TNS1: variants seen among roughly 807,000 people sequenced by gnomAD.
TNS1 encodes the protein tensin-1.
A neutral mutation model predicts 168.6 loss-of-function variants in TNS1; 62 were observed. The ratio of observed to expected loss-of-function variants is 0.37; its 90% CI spans 0.30 to 0.45. TNS1 has a LOEUF of 0.45. Among genes scored for constraint, TNS1 ranks in the 20% least tolerant of loss-of-function variants. The pLI is 1.00. For synonymous variants in TNS1, 934 were observed against 933.2 expected, an observed-to-expected ratio of 1.00 and a Z score of -0.02; for missense variants, 2,240 against 2,339.4, an observed-to-expected ratio of 0.96 and a Z score of 0.88.
At chr2:217,830,306 G>A in intron 22 of TNS1, 1 of 1,607,556 alleles carries the variant, frequency 6.2e-7, no homozygotes, top group Non-Finnish European at 8.5e-7. Flanking sequence ...CACTCTGAGT[G>A]GGAGGCTATG....
At chr2:217,879,897 G>C (rs975580047) in intron 18 of TNS1, among the ~76,000 whole-genome samples, 3 of 152,216 alleles carry the variant, frequency 2.0e-5, no homozygotes, top group African/African-American at 7.2e-5. Context: ...GGCTTCAGCT[G>C]GGAGGAGAAG....
At chr2:218,023,778 C>T (rs1237931986) in intron 1 of TNS1, among the ~76,000 whole-genome samples, 2 of 152,188 alleles carry the variant, frequency 1.3e-5, no homozygotes, top group Non-Finnish European at 2.9e-5. Context: ...CAGGTCCATG[C>T]TTTTCCCCCA....
chr2:217,849,607 A>T (rs10170040), intron 18 of TNS1: 415,022 of 974,506 alleles, frequency 0.43, 88,732 homozygotes, highest in Non-Finnish European at 0.44. Flanking sequence ...TATGAGTATC[A>T]TTAATTCCTG....
At chr2:217,868,324 AG>A (rs1949468708) in intron 18 of TNS1, among the ~76,000 whole-genome samples, 1 of 152,238 alleles carries the variant, frequency 6.6e-6, no homozygotes, top group Non-Finnish European at 1.5e-5. Flanking sequence ...ACCAGTGCCA[AG>A]GAGGCAGGAC....
chr2:217,942,727 G>A (rs1956976040), intron 3 of TNS1, among the ~76,000 whole-genome samples: 1 of 151,996 alleles, frequency 6.6e-6, no homozygotes, highest in African/African-American at 2.4e-5. Flanking sequence ...AAAGACCCTG[G>A]CACCCTAGTT....
intron 4 of TNS1, among the ~76,000 whole-genome samples, chr2:217,917,738 G>A (rs567624088): frequency 8.0e-5 from 12 of 150,272 alleles, no homozygotes; most frequent in Admixed American, 2.0e-4. Context: ...GGCTGAGGCG[G>A]GAGAAATGCT....
chr2:217,892,104 GT>G (rs1192765458), intron 11 of TNS1, among the ~76,000 whole-genome samples: 1 of 152,116 alleles, frequency 6.6e-6, no homozygotes, highest in Non-Finnish European at 1.5e-5. Context: ...AATATTTATT[GT>G]TTTTTTCTTT....
At chr2:217,943,912 G>A (rs1371903818) in intron 3 of TNS1, 2 of 153,088 alleles carry the variant, frequency 1.3e-5, no homozygotes, top group Non-Finnish European at 2.9e-5. Flanking sequence ...TGGGCCAAGG[G>A]ACTCCCAGGA....
intron 3 of TNS1, among the ~76,000 whole-genome samples, chr2:217,949,899 A>G (rs953583577): frequency 2.0e-5 from 3 of 152,220 alleles, no homozygotes; most frequent in Non-Finnish European, 4.4e-5. Flanking sequence ...AAAAAACCTG[A>G]ATCGATAAGA....
chr2:217,966,310 C>T (rs79783773), intron 3 of TNS1, among the ~76,000 whole-genome samples: 12,648 of 123,512 alleles, frequency 0.1, 628 homozygotes, highest in South Asian at 0.15. Context: ...TGTGTGTGTG[C>T]GCGCGCGCGC....
chr2:218,032,396 T>G lies in TNS1; in HGVS notation c.156+1424A>C, dbSNP rs551434999. Among the ~76,000 whole-genome samples, 11 of 151,384 alleles carry G rather than the reference T, an allele frequency of 7.3e-5. No individual in the cohort carries two copies. Among genetic ancestry groups the G allele is most frequent in the Admixed American group, 5.9e-4 (9 of 15,216 alleles). On this transcript the variant is annotated intron_variant, in intron 1 of 1. Transcript: ENST00000649572. This position sits in a 1 kb window ranked among gnomAD's most constrained non-coding sequence, Gnocchi z 4.0. ...GGGGAAGGGGGCGATGTGGCCTGGG[T>G]AGGAGAGGGCTGTGCTGAGGGGACA...
At chr2:217,886,793 C>T (rs1951247075) in intron 12 of TNS1, 147 bp from the exon 13 acceptor site, 4 of 666,244 alleles carry the variant, frequency 6.0e-6, no homozygotes, top group South Asian at 5.4e-5. Flanking sequence ...CCAACCAGGC[C>T]TCCCTCCCAG....
chr2:217,920,135 C>G lies in TNS1; in HGVS notation c.228+60G>C. ...TATTTGGGTCTAAAGAAAGCTGCAGCTGGGAGCTGCGGAGGGAGAGGAGGC... is the reference window on the plus strand; with the variant it reads ...TATTTGGGTCTAAAGAAAGCTGCAGGTGGGAGCTGCGGAGGGAGAGGAGGC... On this transcript the variant is annotated intron_variant, in intron 4 of 32. Coordinates refer to ENST00000682258, the MANE Select transcript of TNS1 (RefSeq NM_001387777.1). 7.1e-6 allele frequency: 5 copies of G among 702,878 alleles called. No homozygotes were observed. The South Asian group carries it at 7.4e-5, about 10-fold the overall frequency. The allele number at this position is 702,878 out of a possible 1,614,324, so 43.5% of individuals were successfully genotyped here. A position where few individuals can be genotyped will look rare whatever the true frequency, so the allele number is the denominator to read the frequency against.
chr2:217,894,965 TCTC>T, intron 9 of TNS1, 38 bp downstream of exon 9: 1 of 1,587,956 alleles, frequency 6.3e-7, no homozygotes, highest in Non-Finnish European at 8.6e-7. Flanking sequence ...GTCCATCTGT[TCTC>T]CTTCTCCTCC....
At chr2:217,866,186 T>G (rs1425034884) in intron 18 of TNS1, among the ~76,000 whole-genome samples, 3 of 152,222 alleles carry the variant, frequency 2.0e-5, no homozygotes, top group Non-Finnish European at 1.5e-5. Context: ...AAGAAAATGC[T>G]GCCTGGCTGC....
At chr2:217,851,473 A>ACACC (rs935611373) in intron 18 of TNS1, among the ~76,000 whole-genome samples, 1 of 147,640 alleles carries the variant, frequency 6.8e-6, no homozygotes, top group Non-Finnish European at 1.5e-5. Context: ...ACACACACAC[A>ACACC]CCCCAGGGAC....
At chr2:217,929,381 G>T (rs1017090852) in intron 3 of TNS1, among the ~76,000 whole-genome samples, 15 of 152,192 alleles carry the variant, frequency 9.9e-5, no homozygotes, top group Admixed American at 2.6e-4. Context: ...ATGAGCAGGG[G>T]GGTCAGAGAC....
intron 18 of TNS1, among the ~76,000 whole-genome samples, chr2:217,854,552 C>A (rs1947899070): frequency 6.6e-6 from 1 of 152,184 alleles, no homozygotes; most frequent in South Asian, 2.1e-4. Context: ...TAGGAAGAAG[C>A]ACCGTGCCTA....
At chr2:217,838,681 C>T (rs559316932) in intron 19 of TNS1, among the ~76,000 whole-genome samples, 19 of 152,346 alleles carry the variant, frequency 1.2e-4, no homozygotes, top group Non-Finnish European at 1.9e-4. Flanking sequence ...CAGTGTCCCA[C>T]TGTTGTCCCC....
Sources: allele counts gnomAD v4.1 joint callset (sites outside exome capture counted in the v4.1 genomes callset), GRCh38; gene constraint gnomAD v4.1.1; non-coding constraint Gnocchi (gnomAD v3.1); transcripts MANE v1.5; gene names NCBI Gene and HGNC (gene_info 2026-07-23, HGNC 2026-07-21).